CCDC201: variants seen among roughly 807,000 people sequenced by gnomAD.
CCDC201 encodes the protein coiled-coil domain containing 201.
chr7:45,879,178 A>G, the CCDC201 span, among the ~76,000 whole-genome samples: 78 of 152,330 alleles, frequency 5.1e-4, 1 homozygote, highest in Admixed American at 3.9e-3. Flanking sequence ...CCTGGACTTA[A>G]TTGTCCATAT....
chr7:45,883,123 C>T, the CCDC201 span, among the ~76,000 whole-genome samples: 1 of 152,282 alleles, frequency 6.6e-6, no homozygotes, highest in Admixed American at 6.5e-5. Context: ...CCCACCCCTC[C>T]CTGCTCTTGG....
chr7:45,882,907 C>A, the CCDC201 span, among the ~76,000 whole-genome samples: 3 of 152,228 alleles, frequency 2.0e-5, no homozygotes, highest in Non-Finnish European at 4.4e-5. Flanking sequence ...AATATGCTCC[C>A]AGTTGCCCCT....
chr7:45,879,405 A>G, the CCDC201 span, among the ~76,000 whole-genome samples: 16 of 152,238 alleles, frequency 1.1e-4, no homozygotes, highest in Non-Finnish European at 1.6e-4. Context: ...GCTATAAAGA[A>G]ATACCTGAAA....
At chr7:45,868,684 G>A (rs1238790926) in intron 1 of CCDC201, among the ~76,000 whole-genome samples, 1 of 152,134 alleles carries the variant, frequency 6.6e-6, no homozygotes, top group Non-Finnish European at 1.5e-5. Context: ...ATTTTTCAAA[G>A]CCAGCACTCT....
At chr7:45,880,590 A>G in the CCDC201 span, among the ~76,000 whole-genome samples, 104 of 152,198 alleles carry the variant, frequency 6.8e-4, no homozygotes, top group African/African-American at 2.3e-3. Context: ...GGCACGTTAT[A>G]TGCAGGTGAT....
exon 2 of CCDC201, chr7:45,866,360 G>C (rs571376223): frequency 6.6e-6 from 1 of 152,464 alleles, no homozygotes; most frequent in East Asian, 1.9e-4. Flanking sequence ...TGAGATAGGA[G>C]GCACCTCCCG....
upstream of CCDC201, among the ~76,000 whole-genome samples, chr7:45,875,023 G>A (rs988258368): frequency 6.6e-6 from 1 of 152,222 alleles, no homozygotes; most frequent in Non-Finnish European, 1.5e-5. Flanking sequence ...GGACACTGAT[G>A]AAATAAATTA....
upstream of CCDC201, among the ~76,000 whole-genome samples, chr7:45,877,715 A>G (rs1014733548): frequency 6.6e-6 from 1 of 152,204 alleles, no homozygotes; most frequent in African/African-American, 2.4e-5. Flanking sequence ...CTCCTTCAGC[A>G]TTGGGAATTA....
chr7:45,865,069 C>T (rs1200439886), intron 2 of CCDC201, among the ~76,000 whole-genome samples: 4 of 151,876 alleles, frequency 2.6e-5, no homozygotes, highest in African/African-American at 7.3e-5. Context: ...GCACACAGGG[C>T]CTTCCAGTTC....
At chr7:45,882,767 A>G in the CCDC201 span, among the ~76,000 whole-genome samples, 374 of 152,330 alleles carry the variant, frequency 2.5e-3, 3 homozygotes, top group African/African-American at 8.4e-3. Flanking sequence ...AGAATTTGCA[A>G]TGCGGCAGGA....
upstream of CCDC201, among the ~76,000 whole-genome samples, chr7:45,875,026 A>C (rs1029622023): frequency 2.0e-5 from 3 of 152,244 alleles, no homozygotes; most frequent in African/African-American, 7.2e-5. Context: ...CACTGATGAA[A>C]TAAATTAGAA....
upstream of CCDC201, among the ~76,000 whole-genome samples, chr7:45,873,582 C>A (rs977939518): frequency 1.3e-4 from 20 of 152,148 alleles, no homozygotes; most frequent in Admixed American, 2.6e-4. Flanking sequence ...ATTGGGCAGG[C>A]CTGGGCAGGG....
the CCDC201 span, among the ~76,000 whole-genome samples, chr7:45,880,216 TA>T: frequency 6.6e-6 from 1 of 152,236 alleles, no homozygotes; most frequent in African/African-American, 2.4e-5. Flanking sequence ...GAAGAGGAGT[TA>T]TTTTTTATTA....
chr7:45,869,744 C>T (rs541700368), intron 1 of CCDC201, among the ~76,000 whole-genome samples: 3 of 152,106 alleles, frequency 2.0e-5, no homozygotes, highest in South Asian at 2.1e-4. Context: ...ACCAGCATCC[C>T]GTACATTGCT....
chr7:45,874,001 C>T (rs76471628), upstream of CCDC201, among the ~76,000 whole-genome samples: 515 of 144,536 alleles, frequency 3.6e-3, 5 homozygotes, highest in African/African-American at 0.012. Flanking sequence ...CTTACTGTAA[C>T]TTCTGCCTCC....
chr7:45,875,403 G>A (rs1258321467), upstream of CCDC201, among the ~76,000 whole-genome samples: 1 of 143,588 alleles, frequency 7.0e-6, no homozygotes, highest in Non-Finnish European at 1.5e-5. Context: ...GCGGAGATAC[G>A]AGAATTGCTT....
At chr7:45,870,475 G>A (rs1488039956) in intron 1 of CCDC201, among the ~76,000 whole-genome samples, 1 of 152,164 alleles carries the variant, frequency 6.6e-6, no homozygotes, top group Non-Finnish European at 1.5e-5. Context: ...AAGCTTCAAA[G>A]TAGAATTATG....
chr7:45,871,627 G>C (rs1786743685), intron 1 of CCDC201, among the ~76,000 whole-genome samples: 1 of 152,084 alleles, frequency 6.6e-6, no homozygotes, highest in Admixed American at 6.6e-5. Flanking sequence ...AAAGAAAAAA[G>C]ATACACCAAT....
upstream of CCDC201, among the ~76,000 whole-genome samples, chr7:45,876,324 T>G (rs1027061302): frequency 6.6e-5 from 10 of 152,194 alleles, no homozygotes; most frequent in African/African-American, 2.4e-4. Context: ...AATTATTTTC[T>G]ATCACAAGGA....
Sources: gnomAD v4.1 joint callset for allele counts (sites outside exome capture counted in the v4.1 genomes callset) on GRCh38, gnomAD v4.1.1 for gene constraint, MANE v1.5 for transcripts, NCBI Gene and HGNC (gene_info 2026-07-23, HGNC 2026-07-21) for gene names.